PASD1: variants seen among roughly 807,000 people sequenced by gnomAD.
PASD1 encodes the protein PAS domain containing repressor 1.
In PASD1, 13 loss-of-function variants were observed where a neutral mutation model predicts 58.8. The observed-to-expected ratio is 0.22, with a 90% CI of 0.14 to 0.35. The LOEUF (loss-of-function observed/expected upper bound fraction) is 0.35. PASD1 is among the 10% of genes least tolerant of loss of function. PASD1 has a pLI of 1.00. For synonymous variants in PASD1, 236 were observed against 216.7 expected (o/e 1.09, Z -0.78); for missense variants, 734 against 568.3 (o/e 1.29, Z -2.96).
intron 1 of PASD1, among the ~76,000 whole-genome samples, chrX:151,576,111 G>T (rs2013001465): frequency 9.3e-6 from 1 of 107,839 alleles, no homozygotes; most frequent in Admixed American, 1.0e-4. Context: ...CAAGTGATCT[G>T]CCCCCCTCGG....
intron 9 of PASD1, among the ~76,000 whole-genome samples, chrX:151,652,940 T>C (rs910169813): frequency 9.0e-6 from 1 of 110,619 alleles, no homozygotes; most frequent in Admixed American, 9.7e-5. Context: ...TAACTCTGAA[T>C]GAAATGGAGA....
intron 15 of PASD1, 119 bp downstream of exon 15, chrX:151,674,305 A>C: frequency 5.3e-6 from 5 of 950,218 alleles, no homozygotes; most frequent in Non-Finnish European, 7.2e-6. Flanking sequence ...TTCAAAGCTC[A>C]GTACATTTGA....
intron 9 of PASD1, among the ~76,000 whole-genome samples, chrX:151,654,961 A>G (rs1325377536): frequency 9.1e-6 from 1 of 110,201 alleles, no homozygotes; most frequent in Non-Finnish European, 1.9e-5. Flanking sequence ...CCATTAACTC[A>G]TCATTTACAT....
In PASD1 at chrX:151,671,119, G is replaced by A; in HGVS notation, c.1153G>A (p.Glu385Lys). The change falls in exon 12 of 16, where the codon GAA (glutamate) becomes AAA (lysine). Residue 385 changes from glutamate (E) to lysine (K), a missense_variant. Coordinates refer to ENST00000370357, the MANE Select transcript of PASD1 (RefSeq NM_173493.3). ...ELMKKLKEQLEERTWLLHDAI... is the reference protein window; with the variant it reads ...ELMKKLKEQLKERTWLLHDAI... ...GATGAAGAAGTTGAAGGAGCAGCTA[G>A]AAGAGAGGACTTGGTTGCTGCATGA... 3 of 1,211,953 alleles carry A rather than the reference G, an allele frequency of 2.5e-6. No individual in the cohort carries two copies. The highest frequency in any genetic ancestry group is 3.4e-6 in the Non-Finnish European group (3 of 895,483).
At chrX:151,634,389 C>T (rs1473753473) in intron 8 of PASD1, among the ~76,000 whole-genome samples, 11 of 111,293 alleles carry the variant, frequency 9.9e-5, no homozygotes, top group Admixed American at 4.8e-4. Flanking sequence ...TATTATAATA[C>T]ATAACCTTAG....
chrX:151,649,731 A>G (rs958999233), intron 9 of PASD1, among the ~76,000 whole-genome samples: 1 of 111,971 alleles, frequency 8.9e-6, no homozygotes, highest in Non-Finnish European at 1.9e-5. Flanking sequence ...TTATTTTTAT[A>G]GAACTCTTCA....
At chrX:151,657,406 A>T (rs762019174) in intron 9 of PASD1, among the ~76,000 whole-genome samples, 1 of 111,320 alleles carries the variant, frequency 9.0e-6, no homozygotes, top group Admixed American at 9.5e-5. Flanking sequence ...CTCTTTTCCT[A>T]TTGATTGGAA....
intron 9 of PASD1, among the ~76,000 whole-genome samples, chrX:151,655,340 A>G (rs1455510531): frequency 9.2e-6 from 1 of 108,976 alleles, no homozygotes; most frequent in East Asian, 2.8e-4. Flanking sequence ...TTATAGCAGC[A>G]TGATTTATAA....
chrX:151,570,122 C>T (rs1312317591), intron 1 of PASD1, among the ~76,000 whole-genome samples: 2 of 111,010 alleles, frequency 1.8e-5, no homozygotes, highest in Non-Finnish European at 3.8e-5. Flanking sequence ...GGGTAGGATT[C>T]AGGAGAACTG....
At position 151,612,240 on chromosome X, in the gene PASD1, A is replaced by T. The variant is rs750148478; in HGVS notation, c.207+487A>T. On this transcript the variant is annotated intron_variant, in intron 4 of 15. Transcript: ENST00000370357. ...TCATGTTGGACATTTGGCTGGTTCC[A>T]AGTCTTTGCTATTGTGAATAGTGCC... Among the ~76,000 whole-genome samples, 471 of 90,049 alleles carry T rather than the reference A, an allele frequency of 5.2e-3. 8 individuals carry two copies. The highest frequency in any genetic ancestry group is 0.02 in the African/African-American group (455 of 23,272). 78.2% of individuals were successfully genotyped at this position (90,049 alleles called of 115,157 possible).
intron 1 of PASD1, among the ~76,000 whole-genome samples, chrX:151,581,571 A>G (rs1361202380): frequency 9.0e-6 from 1 of 111,389 alleles, no homozygotes; most frequent in Non-Finnish European, 1.9e-5. Context: ...CCTGAGTGAC[A>G]AAGGCCCTGT....
At chrX:151,621,202 C>T (rs2013703640) in intron 5 of PASD1, among the ~76,000 whole-genome samples, 173 bp downstream of exon 5, 1 of 110,819 alleles carries the variant, frequency 9.0e-6, no homozygotes, top group African/African-American at 3.3e-5. Flanking sequence ...AATCTCTCCT[C>T]CATTAAATCT....
At chrX:151,657,288 G>A (rs5970085) in intron 9 of PASD1, among the ~76,000 whole-genome samples, 35,193 of 110,919 alleles carry the variant, frequency 0.32, 4,783 homozygotes, top group Middle Eastern at 0.47. Flanking sequence ...TTTTATATCA[G>A]TGTTCATCAG....
intron 8 of PASD1, among the ~76,000 whole-genome samples, chrX:151,628,710 T>G (rs1453024713): frequency 8.9e-6 from 1 of 111,735 alleles, no homozygotes; most frequent in African/African-American, 3.3e-5. Flanking sequence ...TAAAGTAGTT[T>G]TTTCCAATTC....
chrX:151,615,597 C>T (rs2013627865), intron 4 of PASD1, among the ~76,000 whole-genome samples: 1 of 111,544 alleles, frequency 9.0e-6, no homozygotes, highest in South Asian at 3.8e-4. Flanking sequence ...TTAAAAATTT[C>T]ATTTTATAAG....
intron 11 of PASD1, among the ~76,000 whole-genome samples, chrX:151,669,335 A>C (rs954755179): frequency 4.6e-5 from 5 of 109,742 alleles, no homozygotes; most frequent in African/African-American, 1.7e-4. Flanking sequence ...ACATATACAC[A>C]ATGTGTAATG....
intron 1 of PASD1, among the ~76,000 whole-genome samples, chrX:151,572,335 G>A (rs2012938886): frequency 9.0e-6 from 1 of 111,131 alleles, no homozygotes; most frequent in Non-Finnish European, 1.9e-5. Flanking sequence ...TATGTTTGGG[G>A]GCATGAATGA....
chrX:151,589,918 A>C (rs780556716), intron 1 of PASD1, among the ~76,000 whole-genome samples: 1 of 112,710 alleles, frequency 8.9e-6, no homozygotes, highest in African/African-American at 3.2e-5. Flanking sequence ...CATTTGCTTA[A>C]CATGATTGGG....
chrX:151,670,174 C>G (rs1420798854), intron 11 of PASD1, among the ~76,000 whole-genome samples: 1 of 111,918 alleles, frequency 8.9e-6, no homozygotes, highest in Non-Finnish European at 1.9e-5. Flanking sequence ...TTTTCCCAAA[C>G]TCCACGCTTC....
Sources: allele counts gnomAD v4.1 joint callset (sites outside exome capture counted in the v4.1 genomes callset), GRCh38; gene constraint gnomAD v4.1.1; transcripts MANE v1.5; gene names NCBI Gene and HGNC (gene_info 2026-07-23, HGNC 2026-07-21).